TAB3: variants seen among roughly 807,000 people sequenced by gnomAD.
TAB3 encodes the protein TGF-beta activated kinase 1 (MAP3K7) binding protein 3.
In TAB3, 18 loss-of-function variants were observed where a neutral mutation model predicts 48.1. The observed-to-expected ratio is 0.37, with a 90% CI of 0.26 to 0.55. The LOEUF (loss-of-function observed/expected upper bound fraction) is 0.55. Among genes scored for constraint, TAB3 ranks in the 20% least tolerant of loss-of-function variants. TAB3 has a pLI of 0.78. For synonymous variants in TAB3, 185 were observed against 190.2 expected (o/e 0.97, Z 0.22); for missense variants, 414 against 549.8 (o/e 0.75, Z 2.47).
chrX:30,868,565 GCTTATATATATATAT>G lies in TAB3; in HGVS notation c.-279-1031_-279-1017del, dbSNP rs1569222047. Among the ~76,000 whole-genome samples the G allele has an allele frequency of 9.5e-3, 112 of 11,806 alleles. 21 individuals are homozygous for G. Among genetic ancestry groups the G allele is most frequent in the East Asian group, 0.025 (9 of 363 alleles). The allele number at this position is 11,806 out of a possible 115,157, so 10.3% of individuals were successfully genotyped here. A position where few individuals can be genotyped will look rare whatever the true frequency, so the allele number is the denominator to read the frequency against. ...ATATATATATATATATATATATATAGCTTATATATATATATATATATAGAGAGAGAGAGAGAGAGA... is the reference window on the plus strand; with the variant it reads ...ATATATATATATATATATATATATAGATATATAGAGAGAGAGAGAGAGAGA... On this transcript the variant is annotated intron_variant, in intron 2 of 10. Transcript: ENST00000288422.
chrX:30,864,212 G>A (rs758366059), intron 4 of TAB3, among the ~76,000 whole-genome samples: 24 of 111,429 alleles, frequency 2.2e-4, no homozygotes, highest in Non-Finnish European at 3.8e-4. Context: ...CTGTGTAGGC[G>A]GTAACCCTAG....
At chrX:30,885,401 T>G (rs1235816464) in intron 1 of TAB3, among the ~76,000 whole-genome samples, 1 of 111,981 alleles carries the variant, frequency 8.9e-6, no homozygotes, top group South Asian at 3.7e-4. Context: ...CATTCCAACT[T>G]AGGATAACAG....
chrX:30,850,724 AAAG>A (rs1441069958), intron 7 of TAB3, among the ~76,000 whole-genome samples: 6 of 108,651 alleles, frequency 5.5e-5, no homozygotes, highest in African/African-American at 2.0e-4. Context: ...AAAAAAAAAA[AAAG>A]AAAGAAAGAA....
At position 30,854,278 on chromosome X, in the gene TAB3, T is replaced by C. The variant is rs1938975932; in HGVS notation, c.1387A>G (p.Thr463Ala). The change falls in exon 6 of 11, where the codon ACG becomes GCG. Residue 463 changes from threonine (T) to alanine (A), a missense_variant. Physicochemically the swap from Thr to Ala is moderately conservative, Grantham distance 58 (BLOSUM62 0). Coordinates refer to ENST00000288422, the MANE Select transcript of TAB3 (RefSeq NM_152787.5). ...ACTAAATTTAAAAGATTTTCAGTCG[T>C]TGCTCGGCCTACGGTAATTTTAAAA... ...TVFKITVGRA[T>A]TENLLNLVDQ... The C allele has an allele frequency of 9.9e-6, 12 of 1,209,830 alleles. No individual in the cohort carries two copies. The highest frequency in any genetic ancestry group is 1.2e-5 in the Non-Finnish European group (11 of 895,285).
chrX:30,832,439 T>C (rs952373109), intron 10 of TAB3, among the ~76,000 whole-genome samples: 4 of 111,891 alleles, frequency 3.6e-5, no homozygotes, highest in Non-Finnish European at 3.8e-5. Flanking sequence ...GATCTCCAGA[T>C]GGAATTCACC....
rs1021773525 is a variant in TAB3 at position 30,831,276 on chromosome X, G to T, written c.*151C>A. The T allele has an allele frequency of 3.9e-5, 24 of 621,145 alleles. No homozygotes were observed. Among genetic ancestry groups the T allele is most frequent in the Non-Finnish European group, 5.5e-5 (24 of 434,878 alleles). 51.2% of individuals were successfully genotyped at this position (621,145 alleles called of 1,213,427 possible). ...AAAAGACCTCCCCATTTTTCCTTTC[G>T]TGAGCACAACGACGACCACAAAGCC... On this transcript the variant is annotated 3_prime_UTR_variant, in exon 11 of 11. Coordinates refer to ENST00000288422, the MANE Select transcript of TAB3 (RefSeq NM_152787.5).
chrX:30,829,582 C>T lies in TAB3; in HGVS notation c.*1845G>A, dbSNP rs771837409. 14 of 111,563 alleles carry T rather than the reference C, an allele frequency of 1.3e-4. No homozygotes were observed. The East Asian group carries it at 2.3e-3, about 18-fold the overall frequency. The allele number at this position is 111,563 out of a possible 1,213,427, so 9.2% of individuals were successfully genotyped here. ...CTTTTAAGCCCATCTGCTTTCTCAC[C>T]GTTATTTTCACAGTTTTGCCACAGT... On this transcript the variant is annotated 3_prime_UTR_variant, in exon 11 of 11. Transcript: ENST00000288422.
intron 7 of TAB3, among the ~76,000 whole-genome samples, chrX:30,846,908 A>G (rs779305595): frequency 8.9e-6 from 1 of 111,874 alleles, no homozygotes; most frequent in East Asian, 2.8e-4. Context: ...CTACCATACA[A>G]GATACTACCG....
chrX:30,874,523 T>C (rs1187503974), intron 1 of TAB3, among the ~76,000 whole-genome samples: 1 of 112,098 alleles, frequency 8.9e-6, no homozygotes, highest in Admixed American at 9.4e-5. Flanking sequence ...AAATAAAACG[T>C]TCAAATGTCA....
rs1277924315 is a variant in TAB3, at chrX:30,829,147, A to C, written c.*2280T>G. 1 of 112,340 alleles carries C rather than the reference A, an allele frequency of 8.9e-6. No individual in the cohort carries two copies. Among genetic ancestry groups the C allele is most frequent in the Non-Finnish European group, 1.9e-5 (1 of 53,232 alleles). The allele number at this position is 112,340 out of a possible 1,213,427, so 9.3% of individuals were successfully genotyped here. On this transcript the variant is annotated 3_prime_UTR_variant, in exon 11 of 11. Coordinates refer to ENST00000288422, the MANE Select transcript of TAB3 (RefSeq NM_152787.5). ...GCAGGTGAAAACAATGATTGACTAG[A>C]TAATATCACCAAAGGATTGAAACCA...
In TAB3 at chrX:30,854,800, G is replaced by C; in HGVS notation, c.865C>G (p.Gln289Glu). The change falls in exon 6 of 11, where the codon CAG becomes GAG. Residue 289 changes from glutamine (Q) to glutamate (E), a missense_variant. Physicochemically the swap from Gln to Glu is conservative, Grantham distance 29. Coordinates refer to ENST00000288422, the MANE Select transcript of TAB3 (RefSeq NM_152787.5). ...GGAGGTGGTGAATGGTAAGCAGACTGAGGGATCTGCTGCTGTTTGGGAGAA... is the reference window on the plus strand; with the variant it reads ...GGAGGTGGTGAATGGTAAGCAGACTCAGGGATCTGCTGCTGTTTGGGAGAA... ...QYSPKQQQIP[Q>E]SAYHSPPPSQ... is the part of the protein sequence containing the mutation. 1 of 1,211,023 alleles carries C rather than the reference G, an allele frequency of 8.3e-7. No individual in the cohort carries two copies.
Position 30,855,580 on chromosome X carries a change from TA to T in TAB3, c.103-19del, listed in dbSNP as rs781614071. On this transcript the variant is annotated intron_variant, in intron 5 of 10. Transcript: ENST00000288422. ...TTGTTATTCTAGGGGAGAAAAATGG[TA>T]AAAGTAACATTGGCAACATTAACAA... The T allele has an allele frequency of 5.2e-6, 6 of 1,162,116 alleles. No homozygotes were observed. The South Asian group carries it at 1.2e-4, about 24-fold the overall frequency.
intron 7 of TAB3, among the ~76,000 whole-genome samples, chrX:30,848,930 G>T (rs1938731603): frequency 9.1e-6 from 1 of 109,617 alleles, no homozygotes; most frequent in Non-Finnish European, 1.9e-5. Flanking sequence ...AGGAAGAATG[G>T]GGGGGAATAA....
rs1301804693 is a variant in TAB3 at position 30,852,843 on chromosome X, C to A, written c.1645G>T (p.Gly549Cys). 1 of 1,211,399 alleles carries A rather than the reference C, an allele frequency of 8.3e-7. No individual in the cohort carries two copies. Among genetic ancestry groups the A allele is most frequent in the Admixed American group, 2.2e-5 (1 of 45,990 alleles). ...ELERLKSEVN[G>C]MEHDLMQRRL... ...CTCTGCATCAGGTCATGCTCCATAC[C>A]ATTAACTTCAGACTTCAACCGCTCT... Residue 549 changes from glycine (G) to cysteine (C), a missense_variant, in exon 7 of 11, where the codon GGT becomes TGT. Physicochemically the swap from Gly to Cys is radical, Grantham distance 159. Coordinates refer to ENST00000288422, the MANE Select transcript of TAB3 (RefSeq NM_152787.5).
intron 10 of TAB3, among the ~76,000 whole-genome samples, chrX:30,832,896 T>C (rs752908175): frequency 1.2e-3 from 132 of 111,814 alleles, no homozygotes; most frequent in African/African-American, 4.1e-3. Context: ...TTTAATACAG[T>C]TTTCTTTTTT....
At chrX:30,833,172 G>C (rs956064397) in intron 10 of TAB3, among the ~76,000 whole-genome samples, 1 of 107,999 alleles carries the variant, frequency 9.3e-6, no homozygotes, top group East Asian at 3.0e-4. Context: ...GGGTTTCACC[G>C]TGTTAGCCAG....
chrX:30,832,343 A>G (rs1938053719), intron 10 of TAB3, among the ~76,000 whole-genome samples: 1 of 111,656 alleles, frequency 9.0e-6, no homozygotes, highest in Non-Finnish European at 1.9e-5. Context: ...TTTGTGCTCA[A>G]AAAAGCTCTT....
At chrX:30,863,420 C>T (rs1350611783) in intron 4 of TAB3, among the ~76,000 whole-genome samples, 1 of 111,852 alleles carries the variant, frequency 8.9e-6, no homozygotes, top group Non-Finnish European at 1.9e-5. Flanking sequence ...ATGTTTGTCC[C>T]CTCCAAATCT....
At chrX:30,869,780 A>AC (rs1261231360) in intron 2 of TAB3, among the ~76,000 whole-genome samples, 2 of 112,590 alleles carry the variant, frequency 1.8e-5, no homozygotes, top group African/African-American at 6.5e-5. Flanking sequence ...TACTTAGAAC[A>AC]GTGTTTTTCA....
Sources: allele counts gnomAD v4.1 joint callset (sites outside exome capture counted in the v4.1 genomes callset), GRCh38; gene constraint gnomAD v4.1.1; transcripts MANE v1.5; gene names NCBI Gene and HGNC (gene_info 2026-07-23, HGNC 2026-07-21).